The following NRG1 variants were observed in gnomAD, a reference collection of about 807,000 sequenced individuals.
NRG1 encodes pro-neuregulin-1, membrane-bound isoform.
In NRG1, 18 loss-of-function variants were observed where a neutral mutation model predicts 63.8. The ratio of observed to expected loss-of-function variants is 0.28; its 90% CI spans 0.19 to 0.42. The LOEUF is 0.42. NRG1 is among the 10% of genes least tolerant of loss of function. The pLI is 1.00. For missense variants in NRG1, 762 were observed against 814.7 expected, an observed-to-expected ratio of 0.94 and a Z score of 0.79; for synonymous variants, 302 against 301.3, an observed-to-expected ratio of 1.00 and a Z score of -0.02.
At chr8:31,794,193 C>A (rs1046097816) in intron 1 of NRG1, among the ~76,000 whole-genome samples, 2 of 152,154 alleles carry the variant, frequency 1.3e-5, no homozygotes, top group African/African-American at 4.8e-5. Flanking sequence ...CCAGATGACC[C>A]AAATCTCTTT....
intron 5 of NRG1, among the ~76,000 whole-genome samples, chr8:32,704,859 T>C (rs1815930366): frequency 6.6e-6 from 1 of 152,222 alleles, no homozygotes; most frequent in South Asian, 2.1e-4. Flanking sequence ...CAATAAAAGC[T>C]ATACAAAGTC....
At position 32,405,994 on chromosome 8, in the gene NRG1, C is replaced by G. The variant is rs372241678; in HGVS notation, c.38-189834C>G. On this transcript the variant is annotated intron_variant, in intron 1 of 10. Coordinates refer to the NRG1 transcript ENST00000519301. The stretch of plus-strand genomic sequence containing the variant: ...AGAAAATAAAATATTTTAGGTAATC[C>G]TAAGATAGCTCTTCCGCAGCCAGGG... 8.5e-5 allele frequency among the ~76,000 whole-genome samples: 13 copies of G among 152,126 alleles called. 1 individual carries two copies. The highest frequency in any genetic ancestry group is 3.1e-4 in the African/African-American group (13 of 41,514).
chr8:31,827,824 T>C (rs1175446470), intron 1 of NRG1, among the ~76,000 whole-genome samples: 1 of 152,184 alleles, frequency 6.6e-6, no homozygotes, highest in Non-Finnish European at 1.5e-5. Context: ...ACAGTGTTCA[T>C]GGCAGGCTGT....
intron 5 of NRG1, among the ~76,000 whole-genome samples, chr8:32,656,345 A>G (rs1201766775): frequency 2.6e-5 from 4 of 152,138 alleles, no homozygotes; most frequent in African/African-American, 9.7e-5. Flanking sequence ...TTAAAAGTAA[A>G]AAATAATTGG....
chr8:32,117,586 G>A (rs991591897), intron 1 of NRG1, among the ~76,000 whole-genome samples: 9 of 151,840 alleles, frequency 5.9e-5, no homozygotes, highest in African/African-American at 2.2e-4. Flanking sequence ...TAAATTACTT[G>A]ACTTTGAAAT....
chr8:31,805,052 G>T (rs2131740351), intron 1 of NRG1, among the ~76,000 whole-genome samples: 1 of 152,222 alleles, frequency 6.6e-6, no homozygotes, highest in South Asian at 2.1e-4. Flanking sequence ...TAACCAAATT[G>T]TCAGAAAGGA....
chr8:32,665,718 T>C (rs565518373), intron 5 of NRG1, among the ~76,000 whole-genome samples: 1 of 152,282 alleles, frequency 6.6e-6, no homozygotes, highest in South Asian at 2.1e-4. Flanking sequence ...AAACAAGCCA[T>C]TGATATTAGA....
At chr8:32,324,044 A>G (rs6992478) in intron 1 of NRG1, among the ~76,000 whole-genome samples, 14,448 of 151,952 alleles carry the variant, frequency 0.095, 960 homozygotes, top group African/African-American at 0.18. Context: ...AAATGACAGG[A>G]TGGGTTCATT....
In NRG1 at chr8:32,001,637, T is replaced by C. The variant is rs369552424; in HGVS notation, c.37+362206T>C. Among the ~76,000 whole-genome samples, 6 of 152,140 alleles carry C rather than the reference T, an allele frequency of 3.9e-5. No homozygotes were observed. The East Asian group carries it at 9.7e-4, about 25-fold the overall frequency. ...TGGATACCACACTACATTTATTCATTATGGCTCCTTAGGTTCCACTTAGCT... is the reference window on the plus strand; with the variant it reads ...TGGATACCACACTACATTTATTCATCATGGCTCCTTAGGTTCCACTTAGCT... On this transcript the variant is annotated intron_variant, in intron 1 of 10. Transcript: ENST00000519301.
intron 1 of NRG1, among the ~76,000 whole-genome samples, chr8:32,345,729 C>G (rs868249843): frequency 2.0e-5 from 3 of 152,004 alleles, no homozygotes; most frequent in Admixed American, 6.6e-5. Context: ...CAGCACTTAG[C>G]GAGACTGAGG....
intron 1 of NRG1, among the ~76,000 whole-genome samples, chr8:32,483,913 G>C (rs1209275733): frequency 6.6e-6 from 1 of 152,082 alleles, no homozygotes; most frequent in East Asian, 1.9e-4. Context: ...GACCATCCTG[G>C]CTAACATGGT....
At chr8:31,716,630 C>A (rs1205960451) in intron 1 of NRG1, among the ~76,000 whole-genome samples, 1 of 152,194 alleles carries the variant, frequency 6.6e-6, no homozygotes, top group East Asian at 1.9e-4. Flanking sequence ...ACATATATTA[C>A]CTTTTATTAA....
chr8:32,648,400 G>C (rs1488803911), intron 5 of NRG1: 1 of 1,609,384 alleles, frequency 6.2e-7, no homozygotes, highest in Non-Finnish European at 8.5e-7. Context: ...TAGAGAGAGA[G>C]AGAGAGACGA....
intron 1 of NRG1, among the ~76,000 whole-genome samples, chr8:31,727,968 C>T (rs1160676443): frequency 6.6e-6 from 1 of 152,134 alleles, no homozygotes; most frequent in African/African-American, 2.4e-5. Flanking sequence ...ACAGGATCTA[C>T]TGGACAAAGG....
rs79434262 is a variant in NRG1 at position 32,459,391 on chromosome 8, G to A, written c.38-136437G>A. 9.4e-3 allele frequency among the ~76,000 whole-genome samples: 1,431 copies of A among 152,080 alleles called. 22 individuals carry two copies. Among genetic ancestry groups the A allele is most frequent in the African/African-American group, 0.033 (1,352 of 41,464 alleles). On this transcript the variant is annotated intron_variant, in intron 1 of 10. Coordinates refer to the NRG1 transcript ENST00000519301. The stretch of plus-strand genomic sequence containing the variant: ...ATTATACTCTCTTGCATAGTTTAGC[G>A]GTAGTTTTTAAGCCCTTTTTTTATT...
At chr8:31,835,815 T>A (rs1387300040) in intron 1 of NRG1, among the ~76,000 whole-genome samples, 2 of 152,124 alleles carry the variant, frequency 1.3e-5, no homozygotes, top group African/African-American at 2.4e-5. Flanking sequence ...GTTTATAGAG[T>A]CTGCTAGACT....
At chr8:32,748,358 C>CACACAGAG (rs748763782) in intron 7 of NRG1, among the ~76,000 whole-genome samples, 1,991 of 121,976 alleles carry the variant, frequency 0.016, 38 homozygotes, top group East Asian at 0.08. Context: ...CACACACACA[C>CACACAGAG]AGAGAGAGAG....
rs540663842 is a variant in NRG1 at position 32,569,271 on chromosome 8, G to C, written c.100+20445G>C. 2.0e-5 allele frequency among the ~76,000 whole-genome samples: 3 copies of C among 152,242 alleles called. No homozygotes were observed. In the South Asian group the frequency reaches 6.2e-4, roughly 32 times the overall value. On this transcript the variant is annotated intron_variant, in intron 1 of 11. Coordinates refer to ENST00000356819, the Ensembl canonical transcript of NRG1. ...GCCATGTTGGCCAGGCTGGTCTTGA[G>C]CTCTTGACTTCAACTGATCCGCCCA...
At chr8:32,440,207 C>T (rs1819360144) in intron 1 of NRG1, among the ~76,000 whole-genome samples, 1 of 152,142 alleles carries the variant, frequency 6.6e-6, no homozygotes. Context: ...AAGTCTGCCC[C>T]CATCATTCAA....
Sources: gnomAD v4.1 joint callset for allele counts (sites outside exome capture counted in the v4.1 genomes callset) on GRCh38, gnomAD v4.1.1 for gene constraint, MANE v1.5 for transcripts, NCBI Gene and HGNC (gene_info 2026-07-23, HGNC 2026-07-21) for gene names.